RAPGEF5: variants seen among roughly 807,000 people sequenced by gnomAD.
RAPGEF5 encodes the protein M-Ras-regulated GEF.
A neutral mutation model predicts 125.2 loss-of-function variants in RAPGEF5; 65 were observed. The observed-to-expected ratio is 0.52, with a 90% CI of 0.43 to 0.64. The LOEUF is 0.64. Ranked by LOEUF, RAPGEF5 falls within the 30% of genes least tolerant of loss-of-function variation. The pLI is 0.00. For missense variants in RAPGEF5, 958 were observed against 1,048.1 expected (o/e 0.91, Z 1.19); for synonymous variants, 391 against 385.9 (o/e 1.01, Z -0.16).
chr7:22,345,887 T>A (rs1164221805), intron 1 of RAPGEF5, among the ~76,000 whole-genome samples: 1 of 152,208 alleles, frequency 6.6e-6, no homozygotes, highest in Non-Finnish European at 1.5e-5. Flanking sequence ...AACCATTTAA[T>A]CTTCTAGAAA....
intron 6 of RAPGEF5, among the ~76,000 whole-genome samples, chr7:22,267,874 T>C (rs1233500210): frequency 6.6e-6 from 1 of 152,090 alleles, no homozygotes; most frequent in Non-Finnish European, 1.5e-5. Context: ...GGGTTTTTTT[T>C]TTTCGGCGGG....
chr7:22,216,155 T>C (rs1417611476), intron 9 of RAPGEF5, among the ~76,000 whole-genome samples: 2 of 152,212 alleles, frequency 1.3e-5, no homozygotes. Context: ...CACCTCTCAC[T>C]TGACTCACTA....
At chr7:22,340,296 G>C (rs557281654) in intron 1 of RAPGEF5, among the ~76,000 whole-genome samples, 1 of 152,296 alleles carries the variant, frequency 6.6e-6, no homozygotes, top group East Asian at 1.9e-4. Flanking sequence ...AAGCTCGGGA[G>C]AGGAGAACAA....
chr7:22,145,341 A>G (rs1420552300), intron 19 of RAPGEF5, 119 bp from the exon 20 acceptor site: 3 of 947,468 alleles, frequency 3.2e-6, no homozygotes, highest in Non-Finnish European at 4.6e-6. Context: ...ATACACTAAC[A>G]GAGAACATGG....
intron 9 of RAPGEF5, among the ~76,000 whole-genome samples, chr7:22,200,405 A>T (rs1164480759): frequency 6.6e-6 from 1 of 152,238 alleles, no homozygotes; most frequent in Non-Finnish European, 1.5e-5. Flanking sequence ...AAGGTGAGCC[A>T]CTTAGACTCA....
At chr7:22,278,206 C>T (rs556157372) in intron 6 of RAPGEF5, among the ~76,000 whole-genome samples, 3 of 152,158 alleles carry the variant, frequency 2.0e-5, no homozygotes, top group African/African-American at 7.2e-5. Context: ...TATTTGCCTC[C>T]ATTTTCACCC....
At chr7:22,203,109 C>A (rs1279475721) in intron 9 of RAPGEF5, among the ~76,000 whole-genome samples, 2 of 152,114 alleles carry the variant, frequency 1.3e-5, no homozygotes, top group Admixed American at 1.3e-4. Context: ...GCAATGCAAA[C>A]CGCTGCCTAT....
intron 1 of RAPGEF5, among the ~76,000 whole-genome samples, chr7:22,319,056 G>A (rs887282112): frequency 2.6e-5 from 4 of 152,016 alleles, no homozygotes; most frequent in Non-Finnish European, 5.9e-5. Context: ...TTGAATTGTA[G>A]GAGCTAATTT....
At chr7:22,180,407 G>A (rs992485215) in intron 11 of RAPGEF5, among the ~76,000 whole-genome samples, 4 of 152,144 alleles carry the variant, frequency 2.6e-5, no homozygotes, top group East Asian at 3.8e-4. Context: ...AGCAGAAGCC[G>A]TGTGTGACGG....
At chr7:22,242,728 GA>G (rs1015146995) in intron 7 of RAPGEF5, among the ~76,000 whole-genome samples, 1 of 152,128 alleles carries the variant, frequency 6.6e-6, no homozygotes, top group African/African-American at 2.4e-5. Context: ...GAGGCAGGCG[GA>G]TCACCTGAGG....
intron 1 of RAPGEF5, among the ~76,000 whole-genome samples, chr7:22,346,728 C>A (rs1321475203): frequency 2.6e-5 from 4 of 152,128 alleles, no homozygotes; most frequent in African/African-American, 7.2e-5. Flanking sequence ...GGAAGACAAC[C>A]AACTAGGATG....
chr7:22,349,801 A>C (rs1784295409), intron 1 of RAPGEF5, among the ~76,000 whole-genome samples: 1 of 152,198 alleles, frequency 6.6e-6, no homozygotes, highest in East Asian at 1.9e-4. Flanking sequence ...GAAATCAGGT[A>C]GTTCTGGGCT....
chr7:22,263,523 A>G (rs1162743288), intron 7 of RAPGEF5, among the ~76,000 whole-genome samples: 1 of 152,200 alleles, frequency 6.6e-6, no homozygotes, highest in Non-Finnish European at 1.5e-5. Flanking sequence ...TGAGGTCAAG[A>G]GTTCAAAACC....
rs531960942 is a variant in RAPGEF5, at chr7:22,190,131, T to C, written c.1204+3236A>G. ...TCTGTCCCTACCAAAAATACAAAAA[T>C]TAGCCGGGCGTGGTGGTGGGCCCCT... On this transcript the variant is annotated intron_variant, in intron 11 of 25. Coordinates refer to ENST00000665637, the MANE Select transcript of RAPGEF5 (RefSeq NM_012294.5). 6.8e-4 allele frequency among the ~76,000 whole-genome samples: 104 copies of C among 152,150 alleles called. 1 individual carries two copies. The highest frequency in any genetic ancestry group is 2.3e-3 in the African/African-American group (97 of 41,514).
At chr7:22,270,576 CA>C (rs1486589846) in intron 6 of RAPGEF5, among the ~76,000 whole-genome samples, 3 of 152,070 alleles carry the variant, frequency 2.0e-5, no homozygotes, top group Admixed American at 1.3e-4. Context: ...GGTTTTTATC[CA>C]ATGAGGATAC....
intron 1 of RAPGEF5, among the ~76,000 whole-genome samples, chr7:22,344,440 G>C (rs535021507): frequency 1.3e-5 from 2 of 152,308 alleles, no homozygotes; most frequent in African/African-American, 2.4e-5. Context: ...TGTACTGGAG[G>C]CTGGAGAGAG....
intron 7 of RAPGEF5, 83 bp from the exon 8 acceptor site, chr7:22,231,002 C>G: frequency 2.3e-6 from 3 of 1,309,516 alleles, no homozygotes; most frequent in Non-Finnish European, 3.2e-6. Flanking sequence ...CGCAATTTAG[C>G]GGGAAAAAAT....
At chr7:22,256,287 T>C (rs1786758685) in intron 7 of RAPGEF5, among the ~76,000 whole-genome samples, 2 of 152,220 alleles carry the variant, frequency 1.3e-5, no homozygotes, top group Admixed American at 1.3e-4. Flanking sequence ...AATTCCCTTT[T>C]TGGTTTTCAG....
At chr7:22,160,240 A>G (rs1406616142) in intron 14 of RAPGEF5, among the ~76,000 whole-genome samples, 1 of 152,210 alleles carries the variant, frequency 6.6e-6, no homozygotes, top group African/African-American at 2.4e-5. Flanking sequence ...TTAAGTAATA[A>G]TTTACTAATT....
Sources: allele counts gnomAD v4.1 joint callset (sites outside exome capture counted in the v4.1 genomes callset), GRCh38; gene constraint gnomAD v4.1.1; transcripts MANE v1.5; gene names NCBI Gene and HGNC (gene_info 2026-07-23, HGNC 2026-07-21).